Variants in WDR7 observed in about 807,000 individuals in gnomAD.
The protein encoded by WDR7 is WD repeat-containing protein 7.
Under a neutral mutation model 169.4 loss-of-function variants are expected in WDR7, and 46 were observed. The observed-to-expected ratio is 0.27, with a 90% CI of 0.21 to 0.35. WDR7 has a LOEUF of 0.35. Among genes scored for constraint, WDR7 ranks in the 10% least tolerant of loss-of-function variants. WDR7 has a pLI of 1.00. For synonymous variants in WDR7, 612 were observed against 666.8 expected (o/e 0.92, Z 1.27); for missense variants, 1,534 against 1,859.3 (o/e 0.83, Z 3.22).
At chr18:56,962,403 T>C (rs765903934) in intron 25 of WDR7, 27 bp from the exon 26 acceptor site, 221 of 1,608,548 alleles carry the variant, frequency 1.4e-4, no homozygotes, top group Non-Finnish European at 1.8e-4. Flanking sequence ...CTTGTTTTTG[T>C]TTTTGTTGTT....
chr18:56,719,198 T>A (rs1340674984), intron 13 of WDR7, among the ~76,000 whole-genome samples: 1 of 152,170 alleles, frequency 6.6e-6, no homozygotes, highest in Non-Finnish European at 1.5e-5. Context: ...TGAGCCCACA[T>A]CTCATTGCTC....
At chr18:56,799,553 A>G (rs2044639036) in intron 19 of WDR7, among the ~76,000 whole-genome samples, 3 of 152,168 alleles carry the variant, frequency 2.0e-5, no homozygotes, top group African/African-American at 4.8e-5. Context: ...TTTACAGTAC[A>G]GTAGTACTGT....
chr18:56,912,841 C>T (rs566748313), intron 21 of WDR7, among the ~76,000 whole-genome samples: 42 of 152,176 alleles, frequency 2.8e-4, no homozygotes, highest in African/African-American at 1.0e-3. Context: ...AGTTCCATGG[C>T]CTCTGAGCCA....
At chr18:56,927,464 A>C (rs187553753) in intron 22 of WDR7, among the ~76,000 whole-genome samples, 1 of 152,100 alleles carries the variant, frequency 6.6e-6, no homozygotes, top group African/African-American at 2.4e-5. Flanking sequence ...ATAAATAAAA[A>C]ATTAACAGGG....
chr18:56,848,650 T>A (rs762016831), intron 20 of WDR7, among the ~76,000 whole-genome samples: 1 of 152,128 alleles, frequency 6.6e-6, no homozygotes, highest in Non-Finnish European at 1.5e-5. Flanking sequence ...ATGAATGGCT[T>A]GGTACCCTCC....
At chr18:56,775,445 A>G (rs1284101367) in intron 16 of WDR7, among the ~76,000 whole-genome samples, 1 of 152,172 alleles carries the variant, frequency 6.6e-6, no homozygotes, top group Non-Finnish European at 1.5e-5. Flanking sequence ...CCTGGAATAT[A>G]GAAATATTTG....
intron 16 of WDR7, among the ~76,000 whole-genome samples, chr18:56,774,339 T>C (rs1320538866): frequency 1.3e-5 from 2 of 152,120 alleles, no homozygotes; most frequent in African/African-American, 2.4e-5. Flanking sequence ...GGCAGATGTG[T>C]GCATATACAC....
intron 20 of WDR7, among the ~76,000 whole-genome samples, chr18:56,837,637 C>A (rs960447804): frequency 6.6e-6 from 1 of 152,076 alleles, no homozygotes; most frequent in Admixed American, 6.6e-5. Flanking sequence ...TAACATTAAG[C>A]ATTTTATAGT....
At chr18:57,033,606 T>C (rs2048453157), downstream of WDR7, 1 of 152,210 alleles carries the variant, frequency 6.6e-6, no homozygotes, top group Non-Finnish European at 1.5e-5. Flanking sequence ...AAATAAGTTG[T>C]GTGTTCTCCT....
intron 20 of WDR7, among the ~76,000 whole-genome samples, chr18:56,846,376 A>T (rs2045568561): frequency 6.6e-6 from 1 of 152,106 alleles, no homozygotes; most frequent in South Asian, 2.1e-4. Context: ...CAGGGGTGCC[A>T]GTCTTTCCCT....
Position 56,781,614 on chromosome 18 carries a change from TGGGC to T in WDR7, c.3149_3152del (p.Trp1050PhefsTer8). The T allele has an allele frequency of 6.2e-7, 1 of 1,612,828 alleles. No homozygotes were observed. ...AGGCAGGAAGGAAGCCATTGATGCC[TGGGC>T]TCCTTACTTACCTCAGTACATAGAC... On this transcript the variant is annotated frameshift_variant, in exon 19 of 28. Transcript: ENST00000254442. LOFTEE classifies it high-confidence loss of function.
chr18:57,034,061 A>G (rs1012659488), downstream of WDR7: 1 of 152,250 alleles, frequency 6.6e-6, no homozygotes, highest in Admixed American at 6.5e-5. Flanking sequence ...AGGCAGGAGA[A>G]TCACTTGAAC....
chr18:56,887,297 C>T (rs2046210393), intron 21 of WDR7, among the ~76,000 whole-genome samples: 2 of 152,070 alleles, frequency 1.3e-5, no homozygotes, highest in South Asian at 4.2e-4. Context: ...TGGGGAGGGA[C>T]TTTTGCATGA....
intron 26 of WDR7, among the ~76,000 whole-genome samples, chr18:57,006,157 A>G (rs574848265): frequency 2.0e-5 from 3 of 152,178 alleles, no homozygotes; most frequent in Non-Finnish European, 2.9e-5. Flanking sequence ...AGCATCTGTA[A>G]TAAGGCATAG....
At chr18:56,792,363 T>C (rs1191051156) in intron 19 of WDR7, among the ~76,000 whole-genome samples, 1 of 152,150 alleles carries the variant, frequency 6.6e-6, no homozygotes, top group African/African-American at 2.4e-5. Flanking sequence ...TGAACCAGGT[T>C]ATTGGTTGGG....
intron 26 of WDR7, among the ~76,000 whole-genome samples, chr18:57,000,431 G>A (rs1321094425): frequency 6.6e-6 from 1 of 151,814 alleles, no homozygotes; most frequent in African/African-American, 2.4e-5. Context: ...TATTATTTTT[G>A]TTTCCTGTGC....
At chr18:56,747,156 G>GA (rs2043718031) in intron 14 of WDR7, among the ~76,000 whole-genome samples, 1 of 152,142 alleles carries the variant, frequency 6.6e-6, no homozygotes, top group African/African-American at 2.4e-5. Flanking sequence ...AATGAATGTT[G>GA]AGAGTCCCCT....
intron 14 of WDR7, among the ~76,000 whole-genome samples, chr18:56,740,231 A>G (rs2043596305): frequency 6.6e-6 from 1 of 151,910 alleles, no homozygotes; most frequent in South Asian, 2.1e-4. Context: ...CTTTATTTCT[A>G]GGCTACCTAC....
intron 19 of WDR7, among the ~76,000 whole-genome samples, chr18:56,793,835 T>C (rs904295174): frequency 8.5e-5 from 13 of 152,216 alleles, no homozygotes; most frequent in Non-Finnish European, 1.9e-4. Context: ...CATCTTTCTA[T>C]TAATTATATG....
Sources: allele counts gnomAD v4.1 joint callset (sites outside exome capture counted in the v4.1 genomes callset), GRCh38; gene constraint gnomAD v4.1.1; transcripts MANE v1.5; gene names NCBI Gene and HGNC (gene_info 2026-07-23, HGNC 2026-07-21).